The following ADGRE2 variants were observed in gnomAD, a reference collection of about 807,000 sequenced individuals.
ADGRE2 encodes the protein CD97 antigen.
ADGRE2 carries 83 observed loss-of-function variants against 100.8 expected under a neutral mutation model. The ratio of observed to expected loss-of-function variants is 0.82; its 90% confidence interval spans 0.69 to 0.99. The LOEUF is 0.99. Among genes scored for constraint, ADGRE2 ranks in the 50% least tolerant of loss-of-function variants. ADGRE2 has a pLI of 0.00. For synonymous variants in ADGRE2, 355 were observed against 413.0 expected, an observed-to-expected ratio of 0.86 and a Z score of 1.70; for missense variants, 814 against 1,035.7, an observed-to-expected ratio of 0.79 and a Z score of 2.94.
At chr19:14,770,674 T>C (rs74182240) in intron 5 of ADGRE2, among the ~76,000 whole-genome samples, 444 of 26,580 alleles carry the variant, frequency 0.017, 18 homozygotes, top group African/African-American at 0.022. Context: ...CTTTTCTTTT[T>C]TTTTTTTTTT....
intron 1 of ADGRE2, among the ~76,000 whole-genome samples, 151 bp downstream of exon 1, chr19:14,778,103 TCCC>T (rs1025272820): frequency 4.6e-5 from 7 of 152,288 alleles, no homozygotes; most frequent in African/African-American, 1.2e-4. Flanking sequence ...TAATTTACAT[TCCC>T]ACCAACAGTG....
chr19:14,752,796 C>T (rs1345305444), intron 14 of ADGRE2, among the ~76,000 whole-genome samples: 1 of 140,368 alleles, frequency 7.1e-6, no homozygotes, highest in African/African-American at 2.7e-5. Context: ...TTTTTTTTGA[C>T]AGTCTTGCTC....
chr19:14,748,382 C>G (rs572480734), intron 16 of ADGRE2, among the ~76,000 whole-genome samples: 1 of 152,238 alleles, frequency 6.6e-6, no homozygotes, highest in East Asian at 1.9e-4. Flanking sequence ...CATCTTGGCT[C>G]ACTGCAAACT....
chr19:14,768,679 A>C (rs1168138896), intron 5 of ADGRE2: 1 of 152,252 alleles, frequency 6.6e-6, no homozygotes, highest in Non-Finnish European at 1.5e-5. Context: ...TGGGGAGTCC[A>C]TGTCACTGTG....
Position 14,766,228 on chromosome 19 carries a change from T to A in ADGRE2, c.634+7A>T. 6.2e-7 allele frequency: 1 copy of A among 1,613,996 alleles called. No individual in the cohort carries two copies. The highest frequency in any genetic ancestry group is 8.5e-7 in the Non-Finnish European group (1 of 1,179,988). ...GTCTCTGGGAACGTGGGATCTGAGC[T>A]CTCGACCTTCACAGACGGTATTGTT... is the stretch of plus-strand genomic sequence containing the variant. On this transcript the variant is annotated splice_region_variant and intron_variant, in intron 7 of 20. Transcript: ENST00000315576.
intron 11 of ADGRE2, among the ~76,000 whole-genome samples, chr19:14,759,662 A>G (rs2043641698): frequency 1.3e-5 from 2 of 151,006 alleles, no homozygotes; most frequent in African/African-American, 2.4e-5. Context: ...AAGCCCAGCT[A>G]ATTTTTGTAT....
chr19:14,765,920 G>A lies in ADGRE2; in HGVS notation c.635-116C>T, dbSNP rs1341422751. 22 of 1,559,210 alleles carry A rather than the reference G, an allele frequency of 1.4e-5. No homozygotes were observed. The Admixed American group carries it at 2.2e-4, about 16-fold the overall frequency. The stretch of plus-strand genomic sequence containing the variant: ...TAGTGCCCCCCTTGGAGAGGTGGAC[G>A]CTGGGTTATGGAAGCGTGGAGAGGC... On this transcript the variant is annotated intron_variant, in intron 7 of 20. Coordinates refer to ENST00000315576, the MANE Select transcript of ADGRE2 (RefSeq NM_013447.4).
chr19:14,739,071 G>A (rs1181001973), intron 20 of ADGRE2, among the ~76,000 whole-genome samples: 2 of 150,764 alleles, frequency 1.3e-5, no homozygotes, highest in East Asian at 3.9e-4. Context: ...CTGGGTTCGA[G>A]TGATTCTTGT....
chr19:14,772,318 T>C, intron 5 of ADGRE2, 24 bp downstream of exon 5: 1 of 1,613,914 alleles, frequency 6.2e-7, no homozygotes, highest in Non-Finnish European at 8.5e-7. Context: ...ACAGTGGTGA[T>C]GGAGGATGTG....
chr19:14,725,101 A>G, the ADGRE2 span, among the ~76,000 whole-genome samples: 3 of 152,178 alleles, frequency 2.0e-5, no homozygotes, highest in Non-Finnish European at 4.4e-5. Context: ...GAAGCTCACA[A>G]TCATGGCAAA....
chr19:14,763,777 CCTCCTT>C (rs1271061146), intron 11 of ADGRE2, among the ~76,000 whole-genome samples: 1 of 139,008 alleles, frequency 7.2e-6, no homozygotes, highest in African/African-American at 2.7e-5. Flanking sequence ...CTCCTCTCCT[CCTCCTT>C]TTCTCCTCCT....
At chr19:14,740,127 A>C (rs1196546007) in intron 20 of ADGRE2, among the ~76,000 whole-genome samples, 2 of 151,092 alleles carry the variant, frequency 1.3e-5, no homozygotes, top group East Asian at 3.9e-4. Flanking sequence ...GAGGATGGAC[A>C]GTCAATAATA....
chr19:14,727,503 T>A (rs984488314), downstream of ADGRE2, among the ~76,000 whole-genome samples: 1 of 152,126 alleles, frequency 6.6e-6, no homozygotes, highest in South Asian at 2.1e-4. Flanking sequence ...AGACGTTCCA[T>A]ACTCTTTTAA....
chr19:14,769,163 G>A (rs2044100393), intron 5 of ADGRE2, among the ~76,000 whole-genome samples: 1 of 152,192 alleles, frequency 6.6e-6, no homozygotes, highest in African/African-American at 2.4e-5. Flanking sequence ...GCTGAGACGG[G>A]CGGATCACTT....
intron 16 of ADGRE2, among the ~76,000 whole-genome samples, chr19:14,747,701 G>A (rs752268119): frequency 2.6e-5 from 4 of 151,926 alleles, no homozygotes; most frequent in Admixed American, 2.6e-4. Flanking sequence ...TCAGCTACTC[G>A]GGAGGCTGAG....
At chr19:14,731,867 A>G (rs1300682027), downstream of ADGRE2, 1 of 152,218 alleles carries the variant, frequency 6.6e-6, no homozygotes. Context: ...ATAAATTTAA[A>G]AAGTGAAGAT....
Position 14,772,442 on chromosome 19 carries a change from G to T in ADGRE2, c.255C>A (p.Cys85Ter). The change falls in exon 5 of 21, where the codon TGC becomes TGA. Residue 85 changes from cysteine to a stop codon, truncating the protein, a stop_gained. Transcript: ENST00000315576. LOFTEE classifies it high-confidence loss of function. ...SKVSCGKFSD[C>*]WNTEGSYDCV... Reference sequence around the variant, plus strand: ...AGTCGTAGCTCCCCTCTGTGTTCCAGCAGTCCGAGAATTTTCCGCATGACA... The same window carrying T: ...AGTCGTAGCTCCCCTCTGTGTTCCATCAGTCCGAGAATTTTCCGCATGACA... 1 of 1,614,018 alleles carries T rather than the reference G, an allele frequency of 6.2e-7. No homozygotes were observed. The highest frequency in any genetic ancestry group is 8.5e-7 in the Non-Finnish European group (1 of 1,180,016).
In ADGRE2 at chr19:14,736,160, T is replaced by C. The variant is rs1487814180; in HGVS notation, c.*76A>G. 8.7e-6 allele frequency: 12 copies of C among 1,372,096 alleles called. No homozygotes were observed. Among genetic ancestry groups the C allele is most frequent in the Non-Finnish European group, 1.2e-5 (12 of 973,454 alleles). The allele number at this position is 1,372,096 out of a possible 1,614,324, so 85.0% of individuals were successfully genotyped here. A position where few individuals can be genotyped will look rare whatever the true frequency, so the allele number is the denominator to read the frequency against. On this transcript the variant is annotated 3_prime_UTR_variant, in exon 21 of 21. Transcript: ENST00000315576. The stretch of plus-strand genomic sequence containing the variant: ...GAAACACACAGAACAAAGTCTTTTC[T>C]TTCCCCTCTAGATGGCTCAAAGATT...
At chr19:14,776,976 G>GCGCA (rs71166800) in intron 1 of ADGRE2, 49 bp from the exon 2 acceptor site, 55,117 of 1,022,836 alleles carry the variant, frequency 0.054, 2,245 homozygotes, top group Non-Finnish European at 0.06. Context: ...CAGGGGCGCT[G>GCGCA]CACACACACA....
Sources: gnomAD v4.1 joint callset for allele counts (sites outside exome capture counted in the v4.1 genomes callset) on GRCh38, gnomAD v4.1.1 for gene constraint, MANE v1.5 for transcripts, NCBI Gene and HGNC (gene_info 2026-07-23, HGNC 2026-07-21) for gene names.